MBP: variants seen among roughly 807,000 people sequenced by gnomAD.
MBP encodes myelin basic protein.
A neutral mutation model predicts 35.8 loss-of-function variants in MBP; 16 were observed. That is an observed-to-expected ratio of 0.45 (90% CI 0.30 to 0.68). The LOEUF (loss-of-function observed/expected upper bound fraction) is 0.68, where lower values mean the gene tolerates loss of function less well. Ranked by LOEUF, MBP falls within the 30% of genes least tolerant of loss-of-function variation. The probability of loss-of-function intolerance (pLI) is 0.08; values close to 1 mark genes in which losing one functional copy is unlikely to be tolerated. For missense variants in MBP, 380 were observed against 404.7 expected, an observed-to-expected ratio of 0.94 and a Z score of 0.52; for synonymous variants, 143 against 159.6, an observed-to-expected ratio of 0.90 and a Z score of 0.78.
intron 4 of MBP, among the ~76,000 whole-genome samples, chr18:76,996,922 G>A (rs889988334): frequency 2.0e-5 from 3 of 152,178 alleles, no homozygotes; most frequent in Non-Finnish European, 2.9e-5. Context: ...GCCAGAGATG[G>A]AATTCATGGG....
At chr18:77,091,556 G>A (rs1051809503) in intron 2 of MBP, among the ~76,000 whole-genome samples, 4 of 151,884 alleles carry the variant, frequency 2.6e-5, no homozygotes, top group Admixed American at 6.6e-5. Flanking sequence ...AAGGGCACTC[G>A]CCACGGATGA....
Position 77,012,488 on chromosome 18 carries a change from G to T in MBP, c.576+4344C>A, listed in dbSNP as rs551550139. Among the ~76,000 whole-genome samples, 14 of 152,360 alleles carry T rather than the reference G, an allele frequency of 9.2e-5. No homozygotes were observed. In the East Asian group the frequency reaches 2.7e-3, roughly 29 times the overall value. On this transcript the variant is annotated intron_variant, in intron 4 of 8. Transcript: ENST00000355994. ...AAAGACCAGAACACCGAACTGTCAG[G>T]GGAGAGAAGACAGTAAAATGTCTCT...
intron 3 of MBP, among the ~76,000 whole-genome samples, chr18:77,061,388 T>C (rs1973971113): frequency 6.6e-6 from 1 of 152,244 alleles, no homozygotes; most frequent in South Asian, 2.1e-4. Context: ...TACTAGCCAA[T>C]GTTTACTGAG....
intron 3 of MBP, among the ~76,000 whole-genome samples, chr18:77,042,358 T>C (rs937884033): frequency 6.6e-6 from 1 of 152,194 alleles, no homozygotes; most frequent in African/African-American, 2.4e-5. Flanking sequence ...TTTGAGCCCA[T>C]GGCGTGTCCC....
intron 1 of MBP, among the ~76,000 whole-genome samples, chr18:77,116,647 C>T (rs1481225438): frequency 6.6e-6 from 1 of 152,134 alleles, no homozygotes; most frequent in South Asian, 2.1e-4. Flanking sequence ...TTAGAAAGCC[C>T]GAGTAATGCG....
chr18:77,017,185 T>C lies in MBP; in HGVS notation c.223A>G (p.Asn75Asp), dbSNP rs746329133. 1 of 1,541,086 alleles carries C rather than the reference T, an allele frequency of 6.5e-7. No individual in the cohort carries two copies. Among genetic ancestry groups the C allele is most frequent in the South Asian group, 1.3e-5 (1 of 79,934 alleles). ...TDSKRTADPK[N>D]AWQDAHPADP... Reference sequence around the variant, plus strand: ...GCTGGGTGGGCATCCTGCCAGGCATTCTTCGGGTCCGCTGTGCGCTTGGAG... The same window carrying C: ...GCTGGGTGGGCATCCTGCCAGGCATCCTTCGGGTCCGCTGTGCGCTTGGAG... The change falls in exon 4 of 9, where the codon AAT becomes GAT. Residue 75 changes from asparagine to aspartate, a missense_variant. Physicochemically the swap from Asn to Asp is conservative, Grantham distance 23 (BLOSUM62 1). Coordinates refer to ENST00000355994, the MANE Select transcript of MBP (RefSeq NM_001025101.2).
At position 77,049,480 on chromosome 18, in the gene MBP, G is replaced by C. The variant is rs114342864; in HGVS notation, c.139+16818C>G. On this transcript the variant is annotated intron_variant, in intron 3 of 8. Coordinates refer to ENST00000355994, the MANE Select transcript of MBP (RefSeq NM_001025101.2). ...AAGCTATCTGAGGTAGCTGAAATGG[G>C]ACCCGGAAGATTTGCCTCATTGGTT... Among the ~76,000 whole-genome samples, 1,043 of 152,230 alleles carry C rather than the reference G, an allele frequency of 6.9e-3. 10 individuals are homozygous for C. The highest frequency in any genetic ancestry group is 0.024 in the African/African-American group (978 of 41,532).
intron 3 of MBP, 148 bp downstream of exon 3, chr18:77,066,150 A>G (rs985670478): frequency 6.2e-6 from 4 of 641,976 alleles, no homozygotes; most frequent in Non-Finnish European, 1.1e-5. Context: ...ACATGAAGCA[A>G]TGATCCCAGC....
At chr18:77,092,161 C>G (rs1446423965) in intron 2 of MBP, among the ~76,000 whole-genome samples, 5 of 152,278 alleles carry the variant, frequency 3.3e-5, no homozygotes, top group Non-Finnish European at 7.3e-5. Context: ...CTCTGCACAG[C>G]TGCAATTACA....
In MBP at chr18:77,116,073, G is replaced by A. The variant is rs539280185; in HGVS notation, c.-25-10787C>T. 1.4e-4 allele frequency among the ~76,000 whole-genome samples: 20 copies of A among 142,520 alleles called. 1 individual carries two copies. Among genetic ancestry groups the A allele is most frequent in the Non-Finnish European group, 2.0e-4 (13 of 64,248 alleles). 93.5% of individuals were successfully genotyped at this position (142,520 alleles called of 152,430 possible). A position where few individuals can be genotyped will look rare whatever the true frequency, so the allele number is the denominator to read the frequency against. On this transcript the variant is annotated intron_variant, in intron 1 of 8. Coordinates refer to ENST00000355994, the MANE Select transcript of MBP (RefSeq NM_001025101.2). The stretch of plus-strand genomic sequence containing the variant: ...TTCTAATCAAGGAAAATAAGGCAAT[G>A]TGTGGTCATTAACCTCACTGTGGTC...
intron 1 of MBP, among the ~76,000 whole-genome samples, chr18:77,122,083 T>C (rs555027348): frequency 8.5e-5 from 13 of 152,354 alleles, no homozygotes; most frequent in African/African-American, 2.6e-4. Flanking sequence ...CTGGAAAGTA[T>C]AGGCTCTTGC....
At chr18:77,100,510 T>G (rs200015554) in intron 2 of MBP, among the ~76,000 whole-genome samples, 97 of 618 alleles carry the variant, frequency 0.16, no homozygotes, top group African/African-American at 0.19. Context: ...GAATTTGGGG[T>G]GTGTGTGTGT....
intron 1 of MBP, among the ~76,000 whole-genome samples, chr18:77,107,249 A>G (rs1176277107): frequency 6.6e-6 from 1 of 152,220 alleles, no homozygotes; most frequent in African/African-American, 2.4e-5. Flanking sequence ...AAGGTTGACA[A>G]CTTGGACCTT....
intron 1 of MBP, among the ~76,000 whole-genome samples, chr18:77,130,410 T>G (rs1344017291): frequency 6.6e-6 from 1 of 151,038 alleles, no homozygotes; most frequent in African/African-American, 2.5e-5. Flanking sequence ...AAAATGAAGA[T>G]ATGAATAGGA....
chr18:77,099,788 G>T (rs746013283), intron 2 of MBP, among the ~76,000 whole-genome samples: 5 of 152,214 alleles, frequency 3.3e-5, no homozygotes, highest in Non-Finnish European at 7.3e-5. Flanking sequence ...ACCTGCCCTG[G>T]GGGGAGCCGC....
chr18:77,097,971 GA>G (rs1975832125), intron 2 of MBP, among the ~76,000 whole-genome samples: 2 of 152,176 alleles, frequency 1.3e-5, no homozygotes, highest in South Asian at 4.2e-4. Flanking sequence ...GGGAAGTGGG[GA>G]AGGACACCCC....
chr18:77,015,371 A>G, intron 4 of MBP: 1 of 985,454 alleles, frequency 1.0e-6, no homozygotes, highest in Non-Finnish European at 1.2e-6. Flanking sequence ...TTTATTGGGC[A>G]ACCCGAATCC....
intron 2 of MBP, among the ~76,000 whole-genome samples, chr18:77,076,489 T>A (rs938284724): frequency 1.3e-5 from 2 of 152,182 alleles, no homozygotes; most frequent in Admixed American, 1.3e-4. Flanking sequence ...TCTGAGAGCA[T>A]CGAGGCGGCA....
intron 1 of MBP, among the ~76,000 whole-genome samples, chr18:77,130,111 C>A (rs1158912749): frequency 6.6e-6 from 1 of 150,650 alleles, no homozygotes; most frequent in Non-Finnish European, 1.5e-5. Flanking sequence ...TTATTGACAA[C>A]TAAGAAAGCT....
Sources: allele counts gnomAD v4.1 joint callset (sites outside exome capture counted in the v4.1 genomes callset), GRCh38; gene constraint gnomAD v4.1.1; transcripts MANE v1.5; gene names NCBI Gene and HGNC (gene_info 2026-07-23, HGNC 2026-07-21).